The following PTPDC1 variants were observed in gnomAD, a reference collection of about 807,000 sequenced individuals.
PTPDC1 encodes protein tyrosine phosphatase domain-containing protein 1.
A neutral mutation model predicts 75.3 loss-of-function variants in PTPDC1; 53 were observed. The ratio of observed to expected loss-of-function variants is 0.70; its 90% CI spans 0.56 to 0.88. PTPDC1 has a LOEUF of 0.88. Among genes scored for constraint, PTPDC1 ranks in the 40% least tolerant of loss-of-function variants. The pLI, the probability that PTPDC1 is intolerant of heterozygous loss-of-function variation, is 0.00. For synonymous variants in PTPDC1, 349 were observed against 366.2 expected, an observed-to-expected ratio of 0.95 and a Z score of 0.54; for missense variants, 925 against 998.6, an observed-to-expected ratio of 0.93 and a Z score of 0.99.
intron 1 of PTPDC1, among the ~76,000 whole-genome samples, chr9:94,062,613 A>G (rs1298979378): frequency 1.3e-5 from 2 of 152,224 alleles, no homozygotes; most frequent in African/African-American, 4.8e-5. Context: ...AAGTGGGAGC[A>G]GGAGCAGGAG....
intron 1 of PTPDC1, among the ~76,000 whole-genome samples, chr9:94,038,786 G>C (rs907966602): frequency 6.6e-6 from 1 of 152,164 alleles, no homozygotes; most frequent in Non-Finnish European, 1.5e-5. Context: ...TTAAAGGCAA[G>C]GGTTGAAGAT....
intron 1 of PTPDC1, among the ~76,000 whole-genome samples, chr9:94,053,890 G>A (rs748696201): frequency 2.4e-4 from 37 of 152,208 alleles, no homozygotes; most frequent in Admixed American, 2.1e-3. Context: ...CCTGAGATGC[G>A]TAAGGCATGA....
intron 1 of PTPDC1, among the ~76,000 whole-genome samples, chr9:94,063,268 G>T (rs1230358738): frequency 2.0e-5 from 3 of 152,102 alleles, no homozygotes; most frequent in Non-Finnish European, 4.4e-5. Flanking sequence ...GGTGATAATT[G>T]TTTTTCTCAT....
intron 1 of PTPDC1, among the ~76,000 whole-genome samples, chr9:94,059,874 G>C (rs1468535126): frequency 1.3e-5 from 2 of 152,058 alleles, no homozygotes; most frequent in African/African-American, 4.8e-5. Flanking sequence ...TTTGACTGTT[G>C]TTGTATCCTG....
chr9:94,087,323 G>T lies in PTPDC1; in HGVS notation c.417-508G>T, dbSNP rs542883636. The stretch of plus-strand genomic sequence containing the variant: ...TTTGTATAAGAATATTCTTACACGG[G>T]TGCACCAAAATCTCAAAATTCACCA... On this transcript the variant is annotated intron_variant, in intron 2 of 8. Coordinates refer to ENST00000620992, the MANE Select transcript of PTPDC1 (RefSeq NM_001253829.2). 3.9e-5 allele frequency among the ~76,000 whole-genome samples: 6 copies of T among 152,106 alleles called. No homozygotes were observed. The South Asian group carries it at 1.0e-3, about 26-fold the overall frequency.
At chr9:94,092,025 A>G (rs1273778738) in intron 4 of PTPDC1, among the ~76,000 whole-genome samples, 1 of 146,790 alleles carries the variant, frequency 6.8e-6, no homozygotes, top group Admixed American at 6.7e-5. Context: ...TGATCTTTTC[A>G]AAAAACAAGC....
chr9:94,104,316 G>A lies in PTPDC1; in HGVS notation c.2241G>A (p.Val747=), dbSNP rs1169488089. The A allele has an allele frequency of 6.2e-7, 1 of 1,613,906 alleles. No homozygotes were observed. ...QTILCVLHCI[V]NLQTIPVDVE... is the part of the protein sequence containing the mutation. The stretch of plus-strand genomic sequence containing the variant: ...TTCTCTGCGTGTTGCACTGCATAGT[G>A]AACCTGCAGACAATTCCCGTGGATG... Residue 747 remains valine, a synonymous_variant, in exon 8 of 9, where the codon GTG becomes GTA. Transcript: ENST00000620992.
Position 94,084,606 on chromosome 9 carries a change from TC to T in PTPDC1, c.78del (p.Thr27ProfsTer33), listed in dbSNP as rs1290121612. The T allele has an allele frequency of 1.2e-6, 2 of 1,613,598 alleles. No homozygotes were observed. The highest frequency in any genetic ancestry group is 1.7e-6 in the Non-Finnish European group (2 of 1,179,920). ...CTCCTTTCTCCAGGGCCGCCGGCAC[TC>T]CACCTCAGACCCAGTACTGCGGCTG... ...LSSFLQGRRH[S>X]TSDPVLRLQQ... On this transcript the variant is annotated frameshift_variant, in exon 1 of 9. Transcript: ENST00000620992. LOFTEE classifies it high-confidence loss of function.
chr9:94,087,140 A>G (rs938402098), intron 2 of PTPDC1, among the ~76,000 whole-genome samples: 5 of 152,128 alleles, frequency 3.3e-5, no homozygotes, highest in African/African-American at 1.2e-4. Flanking sequence ...TACCTTCACC[A>G]CCAGCTGAGT....
chr9:94,095,541 C>G (rs1176762377), intron 5 of PTPDC1, 87 bp downstream of exon 5: 4 of 1,115,290 alleles, frequency 3.6e-6, no homozygotes. Context: ...AAATGTTTCT[C>G]AGAATCCTAT....
chr9:94,045,349 A>T (rs1390210265), intron 1 of PTPDC1, among the ~76,000 whole-genome samples: 5 of 151,994 alleles, frequency 3.3e-5, no homozygotes, highest in African/African-American at 9.7e-5. Context: ...AATCCTTTGG[A>T]TATATACCCA....
At position 94,084,740 on chromosome 9, in the gene PTPDC1, G is replaced by A. The variant is rs768800615; in HGVS notation, c.210G>A (p.Glu70=). The A allele has an allele frequency of 7.5e-6, 12 of 1,591,856 alleles. No homozygotes were observed. In the African/African-American group the frequency reaches 1.6e-4, roughly 22 times the overall value. Residue 70 remains glutamate, a synonymous_variant, in exon 1 of 9, where the codon GAG becomes GAA. Transcript: ENST00000620992. ...CTGTTTCCTCAGTCAGCCATGCAGA[G>A]GGAAACCCAACTTTCCCCGAAAGAA... The part of the protein sequence containing the change: ...MVAVSSVSHA[E]GNPTFPERKS...
At chr9:94,045,471 G>C (rs1825566938) in intron 1 of PTPDC1, among the ~76,000 whole-genome samples, 2 of 152,136 alleles carry the variant, frequency 1.3e-5, no homozygotes, top group Non-Finnish European at 2.9e-5. Context: ...CAGTGTAAAA[G>C]TGTTCCTGTT....
intron 4 of PTPDC1, among the ~76,000 whole-genome samples, chr9:94,089,326 G>A (rs924849874): frequency 6.7e-5 from 10 of 149,814 alleles, no homozygotes; most frequent in African/African-American, 1.7e-4. Flanking sequence ...GAGAATATGC[G>A]GTGTTTGCTT....
At chr9:94,076,260 T>C (rs567011747) in intron 2 of PTPDC1, among the ~76,000 whole-genome samples, 1 of 152,276 alleles carries the variant, frequency 6.6e-6, no homozygotes, top group East Asian at 1.9e-4. Flanking sequence ...TGCCTCAGCC[T>C]CCCAAAGTGC....
intron 2 of PTPDC1, among the ~76,000 whole-genome samples, chr9:94,078,281 T>C (rs1387543985): frequency 6.6e-6 from 1 of 152,254 alleles, no homozygotes; most frequent in Non-Finnish European, 1.5e-5. Context: ...TCTTGCTGCA[T>C]GTAAGATTCT....
intron 1 of PTPDC1, among the ~76,000 whole-genome samples, chr9:94,041,869 C>T (rs1825434824): frequency 6.6e-6 from 1 of 152,186 alleles, no homozygotes; most frequent in African/African-American, 2.4e-5. Flanking sequence ...CAGATTTGCT[C>T]TGATATGCTC....
Position 94,097,581 on chromosome 9 carries a change from G to A in PTPDC1, c.1015G>A (p.Val339Met), listed in dbSNP as rs559048001. 10 of 1,613,814 alleles carry A rather than the reference G, an allele frequency of 6.2e-6. No homozygotes were observed. The highest frequency in any genetic ancestry group is 4.0e-5 in the African/African-American group (3 of 74,930). ...HGYEARLLKHVPKIIHLVCKL... is the reference protein window; with the variant it reads ...HGYEARLLKHMPKIIHLVCKL... ...TTATGAGGCACGACTTCTGAAACAC[G>A]TGCCAAAAATTATCCACCTAGTTTG... The change falls in exon 6 of 9, where the codon GTG becomes ATG. Residue 339 changes from valine to methionine, a missense_variant. Physicochemically the swap from Val to Met is conservative, Grantham distance 21 (BLOSUM62 1). Transcript: ENST00000620992.
chr9:94,095,531 A>G (rs1342215014), intron 5 of PTPDC1, 77 bp downstream of exon 5: 7 of 1,219,488 alleles, frequency 5.7e-6, no homozygotes, highest in Non-Finnish European at 7.0e-6. Flanking sequence ...ATTTGAGGGT[A>G]AATGTTTCTC....
Sources: allele counts gnomAD v4.1 joint callset (sites outside exome capture counted in the v4.1 genomes callset), GRCh38; gene constraint gnomAD v4.1.1; transcripts MANE v1.5; gene names NCBI Gene and HGNC (gene_info 2026-07-23, HGNC 2026-07-21).